KRABD2: variants seen among roughly 807,000 people sequenced by gnomAD.
The protein encoded by KRABD2 is KRAB domain-containing protein 2.
chr17:8,369,212 C>A, the KRABD2 span: 5 of 1,614,190 alleles, frequency 3.1e-6, no homozygotes, highest in Non-Finnish European at 3.4e-6. Flanking sequence ...TGTCATCGTC[C>A]ATATCAGATC....
At chr17:8,371,859 C>A in the KRABD2 span, 1 of 1,028,988 alleles carries the variant, frequency 9.7e-7, no homozygotes, top group Non-Finnish European at 1.2e-6. Context: ...AAGAGATACC[C>A]CAAATGGAGT....
the KRABD2 span, among the ~76,000 whole-genome samples, chr17:8,375,113 G>A: frequency 6.6e-6 from 1 of 151,658 alleles, no homozygotes; most frequent in Non-Finnish European, 1.5e-5. Flanking sequence ...CCGGGTTCAC[G>A]CCATTCTCCT....
At chr17:8,359,254 G>A in the KRABD2 span, among the ~76,000 whole-genome samples, 3 of 152,202 alleles carry the variant, frequency 2.0e-5, no homozygotes. Context: ...GTACTGGGGA[G>A]GTTAACTTTG....
chr17:8,372,100 T>C, the KRABD2 span: 21 of 985,032 alleles, frequency 2.1e-5, no homozygotes, highest in African/African-American at 5.2e-5. This position sits in a 1 kb window ranked among gnomAD's most constrained non-coding sequence, Gnocchi z 4.1. Context: ...CAGAGAAAGA[T>C]GGAAACTTTT....
At chr17:8,372,331 A>C in the KRABD2 span, among the ~76,000 whole-genome samples, 799 of 152,358 alleles carry the variant, frequency 5.2e-3, 5 homozygotes, top group African/African-American at 0.018. The surrounding 1 kb of genome is among the most constrained non-coding windows in gnomAD (Gnocchi z 4.1). Flanking sequence ...AGACACATCC[A>C]AAATTTAAAA....
the KRABD2 span, among the ~76,000 whole-genome samples, chr17:8,373,254 C>G: frequency 6.6e-6 from 1 of 152,216 alleles, no homozygotes; most frequent in Admixed American, 6.5e-5. Context: ...GCCGCCATCT[C>G]GGCTCACTGC....
the KRABD2 span, among the ~76,000 whole-genome samples, chr17:8,367,477 C>T: frequency 1.2e-4 from 16 of 138,784 alleles, no homozygotes; most frequent in Non-Finnish European, 1.7e-4. Flanking sequence ...CCAGCCTGGG[C>T]GACAGAGTGA....
chr17:8,369,296 T>C, the KRABD2 span: 6 of 1,614,276 alleles, frequency 3.7e-6, no homozygotes, highest in Non-Finnish European at 5.1e-6. Flanking sequence ...CAGCAATTTC[T>C]AGCTCTTCTT....
At chr17:8,369,791 G>A in the KRABD2 span, 37 of 1,613,986 alleles carry the variant, frequency 2.3e-5, no homozygotes, top group Admixed American at 3.3e-5. Flanking sequence ...ACTCACCATC[G>A]GCACTGGACT....
chr17:8,374,865 G>C, the KRABD2 span, among the ~76,000 whole-genome samples: 1 of 140,008 alleles, frequency 7.1e-6, no homozygotes, highest in African/African-American at 2.7e-5. Context: ...ATGAACCCGG[G>C]AGGTGGAGCT....
chr17:8,373,160 C>CGTCTCT, the KRABD2 span, among the ~76,000 whole-genome samples: 919 of 151,174 alleles, frequency 6.1e-3, 11 homozygotes, highest in Middle Eastern at 0.034. Context: ...TCTCCGTCTC[C>CGTCTCT]GTCTCCGTCT....
At chr17:8,369,019 A>G in the KRABD2 span, 10 of 1,458,300 alleles carry the variant, frequency 6.9e-6, no homozygotes, top group South Asian at 1.3e-4. Flanking sequence ...ACTGCCATGT[A>G]CAACTTGACC....
the KRABD2 span, among the ~76,000 whole-genome samples, chr17:8,361,765 C>T: frequency 6.6e-6 from 1 of 151,848 alleles, no homozygotes; most frequent in South Asian, 2.1e-4. Context: ...AACCCTGTGG[C>T]TCAAGCAATC....
the KRABD2 span, chr17:8,365,846 C>G: frequency 6.6e-6 from 1 of 151,982 alleles, no homozygotes; most frequent in South Asian, 2.1e-4. Flanking sequence ...AATAAAAGAC[C>G]GGCCGGGCGA....
At chr17:8,376,669 TCCCCCTCCACCCAGAGG>T in the KRABD2 span, 1 of 983,838 alleles carries the variant, frequency 1.0e-6, no homozygotes, top group South Asian at 4.7e-5. Flanking sequence ...GGCGTCTGAA[TCCCCCTCCACCCAGAGG>T]CCCCCGAGCA....
At chr17:8,370,402 A>G in the KRABD2 span, 1 of 1,502,476 alleles carries the variant, frequency 6.7e-7, no homozygotes, top group South Asian at 1.3e-5. Context: ...AAAGGAAGAA[A>G]AGAGAACAAA....
the KRABD2 span, chr17:8,376,082 C>T: frequency 8.1e-7 from 1 of 1,231,690 alleles, no homozygotes; most frequent in Non-Finnish European, 1.0e-6. Flanking sequence ...CATCTTTAGT[C>T]GACCAGTTCA....
At chr17:8,376,033 C>A in the KRABD2 span, 1 of 1,231,702 alleles carries the variant, frequency 8.1e-7, no homozygotes, top group South Asian at 4.1e-5. Context: ...TCCTTCATCT[C>A]AACAACCTGT....
chr17:8,371,785 C>G, the KRABD2 span: 1 of 1,206,322 alleles, frequency 8.3e-7, no homozygotes, highest in Non-Finnish European at 1.0e-6. Flanking sequence ...GTGGCAGGAT[C>G]TGTTTCCAAT....
Sources: gnomAD v4.1 joint callset for allele counts (sites outside exome capture counted in the v4.1 genomes callset) on GRCh38, gnomAD v4.1.1 for gene constraint, Gnocchi (gnomAD v3.1) non-coding constraint, MANE v1.5 for transcripts, NCBI Gene and HGNC (gene_info 2026-07-23, HGNC 2026-07-21) for gene names.